The following VRK1 variants were observed in gnomAD, a reference collection of about 807,000 sequenced individuals.
VRK1 encodes serine/threonine-protein kinase VRK1.
VRK1 carries 33 observed loss-of-function variants against 57.1 expected under a neutral mutation model. The observed-to-expected ratio is 0.58, with a 90% CI of 0.44 to 0.77. VRK1 has a LOEUF of 0.77. Ranked by LOEUF, VRK1 falls within the 30% of genes least tolerant of loss-of-function variation. VRK1 has a pLI of 0.00. For missense variants in VRK1, 413 were observed against 477.3 expected, an observed-to-expected ratio of 0.87 and a Z score of 1.25; for synonymous variants, 137 against 147.8, an observed-to-expected ratio of 0.93 and a Z score of 0.53.
At chr14:96,804,559 T>A (rs1439770708) in intron 1 of VRK1, among the ~76,000 whole-genome samples, 6 of 152,164 alleles carry the variant, frequency 3.9e-5, no homozygotes, top group Non-Finnish European at 1.5e-5. Flanking sequence ...GATCATTGGT[T>A]CGTGAAAAAG....
intron 12 of VRK1, among the ~76,000 whole-genome samples, chr14:96,877,858 A>AT (rs533990098): frequency 2.6e-5 from 4 of 151,438 alleles, no homozygotes; most frequent in African/African-American, 7.3e-5. Context: ...ATAATTATGA[A>AT]TTTTTTTTTA....
intron 1 of VRK1, among the ~76,000 whole-genome samples, chr14:96,808,535 A>T (rs1330867313): frequency 1.3e-5 from 2 of 152,132 alleles, no homozygotes; most frequent in Admixed American, 1.3e-4. Context: ...AGAAGCCCAG[A>T]TTATGTGGGG....
intron 1 of VRK1, among the ~76,000 whole-genome samples, chr14:96,803,394 C>T (rs1466689120): frequency 6.6e-6 from 1 of 152,056 alleles, no homozygotes; most frequent in Non-Finnish European, 1.5e-5. Flanking sequence ...TGGTCTCGAA[C>T]TCCTGACTTC....
intron 1 of VRK1, among the ~76,000 whole-genome samples, chr14:96,801,370 CA>C (rs1459342384): frequency 6.6e-6 from 1 of 152,122 alleles, no homozygotes; most frequent in South Asian, 2.1e-4. Flanking sequence ...TTGCGTTTCA[CA>C]ATATTAAGTG....
In VRK1 at chr14:96,881,376, A is replaced by T; in HGVS notation, c.*168A>T. ...TTTTTTTATAAAAATATTTTGTACA[A>T]TTCATTAAAGGCTAATTTATGAAAT... On this transcript the variant is annotated 3_prime_UTR_variant, in exon 13 of 13. Coordinates refer to ENST00000216639, the MANE Select transcript of VRK1 (RefSeq NM_003384.3). 1.6e-6 allele frequency: 1 copy of T among 622,758 alleles called. No homozygotes were observed. Among genetic ancestry groups the T allele is most frequent in the Non-Finnish European group, 2.7e-6 (1 of 373,930 alleles). The allele number at this position is 622,758 out of a possible 1,614,324, so 38.6% of individuals were successfully genotyped here.
chr14:96,846,019 T>A, intron 3 of VRK1, 76 bp from the exon 4 acceptor site: 1 of 1,289,430 alleles, frequency 7.8e-7, no homozygotes, highest in Non-Finnish European at 1.1e-6. Context: ...GATTTGTTGG[T>A]CTTTTTTGAA....
At position 96,806,375 on chromosome 14, in the gene VRK1, C is replaced by A. The variant is rs533991479; in HGVS notation, c.-6+8928C>A. On this transcript the variant is annotated intron_variant, in intron 1 of 12. Transcript: ENST00000216639. ...TCATCACAGGACTACTTCAAATAATCCTTTCCTCTTTCTCCTAGCCAGCTA... is the reference window on the plus strand; with the variant it reads ...TCATCACAGGACTACTTCAAATAATACTTTCCTCTTTCTCCTAGCCAGCTA... Among the ~76,000 whole-genome samples the A allele has an allele frequency of 7.2e-5, 11 of 152,344 alleles. No homozygotes were observed. The South Asian group carries it at 2.3e-3, about 32-fold the overall frequency.
intron 7 of VRK1, among the ~76,000 whole-genome samples, chr14:96,853,380 T>C (rs1015965207): frequency 6.6e-6 from 1 of 152,132 alleles, no homozygotes; most frequent in African/African-American, 2.4e-5. Flanking sequence ...CTAAATAATA[T>C]TCAGAAGAAG....
chr14:96,838,522 G>A (rs1004994461), intron 3 of VRK1, among the ~76,000 whole-genome samples: 8 of 151,622 alleles, frequency 5.3e-5, no homozygotes, highest in African/African-American at 1.9e-4. Flanking sequence ...AGAACCAACA[G>A]GATGTATTAT....
intron 1 of VRK1, among the ~76,000 whole-genome samples, chr14:96,802,403 C>CGGTA (rs1286547211): frequency 2.6e-5 from 4 of 152,116 alleles, no homozygotes; most frequent in Non-Finnish European, 5.9e-5. Context: ...GATAGTCTTG[C>CGGTA]GGTAGAACAC....
At chr14:96,873,837 T>C (rs1351290954) in intron 11 of VRK1, among the ~76,000 whole-genome samples, 1 of 152,230 alleles carries the variant, frequency 6.6e-6, no homozygotes, top group East Asian at 1.9e-4. Flanking sequence ...TGGCCCTTTC[T>C]ATGCAGACTA....
At chr14:96,847,209 C>T (rs1566704514) in intron 4 of VRK1, 48 bp from the exon 5 acceptor site, 1 of 1,499,288 alleles carries the variant, frequency 6.7e-7, no homozygotes, top group Non-Finnish European at 9.3e-7. Flanking sequence ...AAAAAATTAT[C>T]ATTTATGTAT....
At chr14:96,817,394 T>A (rs1050697620) in intron 1 of VRK1, among the ~76,000 whole-genome samples, 2 of 152,168 alleles carry the variant, frequency 1.3e-5, no homozygotes, top group Non-Finnish European at 2.9e-5. Context: ...GGAGAATTTC[T>A]ATTTTTATTT....
intron 11 of VRK1, among the ~76,000 whole-genome samples, chr14:96,867,997 A>G (rs757593995): frequency 5.9e-5 from 9 of 151,764 alleles, no homozygotes; most frequent in Admixed American, 2.6e-4. Context: ...ATTTTTTTCA[A>G]TGTTTATTAT....
At chr14:96,879,198 GTA>G (rs899845581) in intron 12 of VRK1, among the ~76,000 whole-genome samples, 40 of 151,434 alleles carry the variant, frequency 2.6e-4, no homozygotes, top group African/African-American at 9.2e-4. Flanking sequence ...TGCCAGTAGT[GTA>G]TATTATGAAA....
chr14:96,861,133 A>T (rs1017127683), intron 11 of VRK1, among the ~76,000 whole-genome samples: 3 of 152,120 alleles, frequency 2.0e-5, no homozygotes, highest in Non-Finnish European at 4.4e-5. Flanking sequence ...AAAAATTACC[A>T]TTTGAAAATT....
chr14:96,829,206 ATT>A (rs1202071231), intron 1 of VRK1, among the ~76,000 whole-genome samples: 19 of 141,582 alleles, frequency 1.3e-4, no homozygotes, highest in Admixed American at 4.3e-4. Context: ...TTTTCTTTTA[ATT>A]TTTTTTTTTT....
chr14:96,805,718 G>GA (rs1256490292), intron 1 of VRK1, among the ~76,000 whole-genome samples: 6 of 152,018 alleles, frequency 3.9e-5, no homozygotes, highest in African/African-American at 4.8e-5. Flanking sequence ...ATTCCATTAA[G>GA]AAAAAAATCA....
At chr14:96,862,788 G>A (rs929719984) in intron 11 of VRK1, among the ~76,000 whole-genome samples, 3 of 151,952 alleles carry the variant, frequency 2.0e-5, no homozygotes, top group African/African-American at 7.3e-5. Flanking sequence ...TAAATATGAT[G>A]CTTAGTTCTA....
Sources: gnomAD v4.1 joint callset for allele counts (sites outside exome capture counted in the v4.1 genomes callset) on GRCh38, gnomAD v4.1.1 for gene constraint, MANE v1.5 for transcripts, NCBI Gene and HGNC (gene_info 2026-07-23, HGNC 2026-07-21) for gene names.